EMC2: variants seen among roughly 807,000 people sequenced by gnomAD.
The protein encoded by EMC2 is ER membrane protein complex subunit 2, also known as TPR repeat protein 35.
In EMC2, 37 loss-of-function variants were observed where a neutral mutation model predicts 51.6. The observed-to-expected ratio is 0.72, with a 90% confidence interval of 0.55 to 0.94. EMC2 has a LOEUF of 0.94. Ranked by LOEUF, EMC2 falls within the 40% of genes least tolerant of loss-of-function variation. The pLI, the probability that EMC2 is intolerant of heterozygous loss-of-function variation, is 0.00. For missense variants in EMC2, 359 were observed against 350.9 expected (o/e 1.02, Z -0.18); for synonymous variants, 131 against 112.4 (o/e 1.17, Z -1.04).
In EMC2 at chr8:108,489,103, T is replaced by C. The variant is rs992400686; in HGVS notation, c.*2505T>C. ...GATTAAGGGGATCCTGGGTCCCTGA[T>C]ATGGCATTGTTGAACACCCAAATCA... is the stretch of plus-strand genomic sequence containing the variant. On this transcript the variant is annotated 3_prime_UTR_variant, in exon 11 of 11. Transcript: ENST00000220853. Among the ~76,000 whole-genome samples the C allele has an allele frequency of 6.6e-6, 1 of 152,228 alleles. No homozygotes were observed. Among genetic ancestry groups the C allele is most frequent in the Non-Finnish European group, 1.5e-5 (1 of 68,040 alleles).
At chr8:108,464,263 A>G (rs1039616419) in intron 5 of EMC2, 3 of 152,246 alleles carry the variant, frequency 2.0e-5, no homozygotes, top group Non-Finnish European at 2.9e-5. Flanking sequence ...TCCTTTTGGT[A>G]AAACTTTTTC....
At chr8:108,469,599 G>A (rs969631738) in intron 5 of EMC2, among the ~76,000 whole-genome samples, 1 of 152,118 alleles carries the variant, frequency 6.6e-6, no homozygotes, top group African/African-American at 2.4e-5. Context: ...TGGATGAAAC[G>A]ATGCATACAT....
intron 1 of EMC2, among the ~76,000 whole-genome samples, chr8:108,445,854 A>G (rs1269082908): frequency 6.6e-6 from 1 of 152,190 alleles, no homozygotes; most frequent in Non-Finnish European, 1.5e-5. Flanking sequence ...ACACTAACAC[A>G]TTGTCAGAAA....
chr8:108,458,351 TGTGTGGGGGCTCTG>T (rs1195343725), intron 5 of EMC2, among the ~76,000 whole-genome samples: 10 of 152,204 alleles, frequency 6.6e-5, no homozygotes, highest in Non-Finnish European at 1.3e-4. Flanking sequence ...TAGGGACTCT[TGTGTGGGGGCTCTG>T]GCCCCACATT....
chr8:108,457,787 G>A (rs1819206140), intron 5 of EMC2, among the ~76,000 whole-genome samples: 1 of 152,086 alleles, frequency 6.6e-6, no homozygotes, highest in African/African-American at 2.4e-5. Flanking sequence ...TCTGCCCCTG[G>A]CCCCTCCCAA....
chr8:108,453,196 G>T, intron 4 of EMC2, 49 bp downstream of exon 4: 1 of 1,133,564 alleles, frequency 8.8e-7, no homozygotes, highest in Non-Finnish European at 1.3e-6. Flanking sequence ...TAATCATGGT[G>T]GTGTTAATTT....
At chr8:108,470,230 T>C in intron 7 of EMC2, 109 bp downstream of exon 7, 1 of 683,000 alleles carries the variant, frequency 1.5e-6, no homozygotes, top group Non-Finnish European at 2.5e-6. Context: ...ATCATGTCAT[T>C]TGAAATGAGA....
In EMC2 at chr8:108,469,863, A is replaced by G; in HGVS notation, c.401A>G (p.Gln134Arg). 6.2e-7 allele frequency: 1 copy of G among 1,613,614 alleles called. No homozygotes were observed. The highest frequency in any genetic ancestry group is 8.5e-7 in the Non-Finnish European group (1 of 1,179,568). Residue 134 changes from glutamine (Q) to arginine (R), a missense_variant, in exon 6 of 11, where the codon CAG becomes CGG. Gln to Arg is a conservative substitution (Grantham distance 43). Transcript: ENST00000220853. Reference protein sequence around the residue: ...RKRKIAIRKAQGKNVEAIREL... With the variant: ...RKRKIAIRKARGKNVEAIREL... ...CGTAAGATTGCCATTCGAAAAGCCCAGGGGAAAAATGTGGAGGCCATTCGG... is the reference window on the plus strand; with the variant it reads ...CGTAAGATTGCCATTCGAAAAGCCCGGGGGAAAAATGTGGAGGCCATTCGG...
chr8:108,482,769 A>T (rs1811068502), intron 10 of EMC2, among the ~76,000 whole-genome samples: 1 of 151,886 alleles, frequency 6.6e-6, no homozygotes. Flanking sequence ...TTTTTTGTAG[A>T]GATGAGGTCC....
chr8:108,475,982 A>G lies in EMC2; in HGVS notation c.591+19A>G, dbSNP rs1419037960. On this transcript the variant is annotated intron_variant, in intron 8 of 10. Coordinates refer to ENST00000220853, the MANE Select transcript of EMC2 (RefSeq NM_014673.5). ...TGCTGAAGTAAGTGTTTTCAGAACA[A>G]TGGCATATAATTTTATTTTGGTTAC... is the stretch of plus-strand genomic sequence containing the variant. 3 of 1,358,582 alleles carry G rather than the reference A, an allele frequency of 2.2e-6. No homozygotes were observed. The highest frequency in any genetic ancestry group is 3.1e-6 in the Non-Finnish European group (3 of 981,006). 84.2% of individuals were successfully genotyped at this position (1,358,582 alleles called of 1,614,324 possible).
In EMC2 at chr8:108,446,553, A is replaced by G. The variant is rs1411102165; in HGVS notation, c.40+2855A>G. The stretch of plus-strand genomic sequence containing the variant: ...GGACTTAGATATACAAAACTCCCAC[A>G]GTGGGAGTCAGAAACAGCACTAAAA... On this transcript the variant is annotated intron_variant, in intron 1 of 10. Transcript: ENST00000220853. 1.7e-4 allele frequency among the ~76,000 whole-genome samples: 26 copies of G among 152,188 alleles called. 1 individual carries two copies. The highest frequency in any genetic ancestry group is 1.2e-3 in the Admixed American group (18 of 15,282).
At chr8:108,485,109 G>A (rs1811110548) in intron 10 of EMC2, among the ~76,000 whole-genome samples, 2 of 151,810 alleles carry the variant, frequency 1.3e-5, no homozygotes, top group Admixed American at 1.3e-4. Context: ...TTAAGCTGTA[G>A]CCAGAGGGGT....
intron 7 of EMC2, among the ~76,000 whole-genome samples, chr8:108,472,215 C>T (rs1030078750): frequency 1.3e-5 from 2 of 151,718 alleles, no homozygotes; most frequent in Non-Finnish European, 2.9e-5. Flanking sequence ...TATTTTTTTG[C>T]ATGTATTTCT....
chr8:108,455,935 G>T lies in EMC2; in HGVS notation c.363+5G>T. Reference sequence around the variant, plus strand: ...CAAGAAGATCCAACTAACACTGTAAGTTGGCAGATTGTCTTGAAAAAAATC... The same window carrying T: ...CAAGAAGATCCAACTAACACTGTAATTTGGCAGATTGTCTTGAAAAAAATC... On this transcript the variant is annotated splice_donor_5th_base_variant and intron_variant, in intron 5 of 10. Transcript: ENST00000220853. 1 of 1,323,324 alleles carries T rather than the reference G, an allele frequency of 7.6e-7. No individual in the cohort carries two copies. 82.0% of individuals were successfully genotyped at this position (1,323,324 alleles called of 1,614,324 possible).
chr8:108,476,090 A>T, intron 8 of EMC2, 127 bp downstream of exon 8: 1 of 517,500 alleles, frequency 1.9e-6, no homozygotes, highest in Non-Finnish European at 3.3e-6. Flanking sequence ...ATGAGCATTG[A>T]ATTGTGGGAA....
Position 108,456,332 on chromosome 8 carries a change from C to CAAAAAAAAA in EMC2, c.363+409_363+417dup, listed in dbSNP as rs869162246. On this transcript the variant is annotated intron_variant, in intron 5 of 10. Transcript: ENST00000220853. ...TGGGCGACAGAGCAAGACTTCGTGTCAAAAAAAAAAAAAAAGAAAAAAAAA... is the reference window on the plus strand; with the variant it reads ...TGGGCGACAGAGCAAGACTTCGTGTCAAAAAAAAAAAAAAAAAAAAAAAAGAAAAAAAAA... Among the ~76,000 whole-genome samples, 9 of 23,602 alleles carry CAAAAAAAAA rather than the reference C, an allele frequency of 3.8e-4. 2 individuals are homozygous for CAAAAAAAAA. Among genetic ancestry groups the CAAAAAAAAA allele is most frequent in the African/African-American group, 1.5e-3 (8 of 5,292 alleles). 15.5% of individuals were successfully genotyped at this position (23,602 alleles called of 152,430 possible).
At chr8:108,479,172 TACAAA>T in intron 10 of EMC2, 62 bp downstream of exon 10, 2 of 818,226 alleles carry the variant, frequency 2.4e-6, no homozygotes, top group Non-Finnish European at 3.7e-6. Flanking sequence ...GTTTTGTTAC[TACAAA>T]CTACAAAGTC....
At chr8:108,466,029 A>G (rs7823720) in intron 5 of EMC2, among the ~76,000 whole-genome samples, 103,955 of 152,006 alleles carry the variant, frequency 0.68, 36,116 homozygotes, top group African/African-American at 0.81. Context: ...TTTACTATGG[A>G]CCATCACTGA....
Position 108,449,916 on chromosome 8 carries a change from C to G in EMC2, c.134C>G (p.Ala45Gly). Reference protein sequence around the residue: ...EVGEELINEYASKLGDDIWII... With the variant: ...EVGEELINEYGSKLGDDIWII... ...GGAGAAGAATTAATTAATGAATATG[C>G]TTCTAAGCTGGGAGATGATAGTAAG... Residue 45 changes from alanine (A) to glycine (G), a missense_variant, in exon 2 of 11, where the codon GCT becomes GGT. Ala to Gly is a moderately conservative substitution (Grantham distance 60). Coordinates refer to ENST00000220853, the MANE Select transcript of EMC2 (RefSeq NM_014673.5). 6.4e-7 allele frequency: 1 copy of G among 1,559,360 alleles called. No homozygotes were observed. The highest frequency in any genetic ancestry group is 1.1e-5 in the South Asian group (1 of 89,582).
Sources: gnomAD v4.1 joint callset for allele counts (sites outside exome capture counted in the v4.1 genomes callset) on GRCh38, gnomAD v4.1.1 for gene constraint, MANE v1.5 for transcripts, NCBI Gene and HGNC (gene_info 2026-07-23, HGNC 2026-07-21) for gene names.